PLEKHA2: variants seen among roughly 807,000 people sequenced by gnomAD.
PLEKHA2 encodes pleckstrin homology domain-containing family A member 2.
A neutral mutation model predicts 53.2 loss-of-function variants in PLEKHA2; 28 were observed. The ratio of observed to expected loss-of-function variants is 0.53; its 90% CI spans 0.39 to 0.72. The LOEUF is 0.72. PLEKHA2 is among the 30% of genes least tolerant of loss of function. PLEKHA2 has a pLI of 0.00. For missense variants in PLEKHA2, 426 were observed against 537.9 expected (o/e 0.79, Z 2.06); for synonymous variants, 193 against 196.4 (o/e 0.98, Z 0.14).
intron 9 of PLEKHA2, 94 bp downstream of exon 9, chr8:38,953,461 A>G: frequency 8.2e-7 from 1 of 1,219,512 alleles, no homozygotes; most frequent in Non-Finnish European, 1.2e-6. Flanking sequence ...TGCAAGAGTC[A>G]TCTTCTTCCA....
chr8:38,927,743 G>A (rs1220046131), intron 2 of PLEKHA2, among the ~76,000 whole-genome samples: 1 of 152,172 alleles, frequency 6.6e-6, no homozygotes, highest in East Asian at 1.9e-4. Flanking sequence ...ATCTCCACCT[G>A]TGACATTGTT....
chr8:38,901,548 C>A (rs923611012), intron 1 of PLEKHA2, 103 bp downstream of exon 1: 5 of 151,660 alleles, frequency 3.3e-5, no homozygotes, highest in African/African-American at 9.7e-5. Flanking sequence ...GGAGGCCTGG[C>A]GGCCTAGGGG....
rs755729221 is a variant in PLEKHA2, at chr8:38,969,824, T to C, written c.*41T>C. On this transcript the variant is annotated 3_prime_UTR_variant, in exon 12 of 12. Transcript: ENST00000617275. ...TGGGAGGGAGGGAGGGAGGGAGGACTTGAGAGAAGGAGGCTGTGACTCAGT... is the reference window on the plus strand; with the variant it reads ...TGGGAGGGAGGGAGGGAGGGAGGACCTGAGAGAAGGAGGCTGTGACTCAGT... 67 of 1,541,106 alleles carry C rather than the reference T, an allele frequency of 4.3e-5. No homozygotes were observed. The highest frequency in any genetic ancestry group is 4.8e-5 in the Non-Finnish European group (55 of 1,144,982).
At chr8:38,938,632 A>C (rs997053065) in intron 3 of PLEKHA2, among the ~76,000 whole-genome samples, 2 of 152,004 alleles carry the variant, frequency 1.3e-5, no homozygotes. Flanking sequence ...TGTCTGCGTC[A>C]CTCTACGGGG....
At chr8:38,926,630 T>TA (rs901571972) in intron 2 of PLEKHA2, among the ~76,000 whole-genome samples, 1 of 152,156 alleles carries the variant, frequency 6.6e-6, no homozygotes, top group African/African-American at 2.4e-5. Flanking sequence ...TTGTCTAAAT[T>TA]AAAAAAAATT....
chr8:38,933,093 C>T lies in PLEKHA2; in HGVS notation c.142-2901C>T, dbSNP rs927156930. Among the ~76,000 whole-genome samples the T allele has an allele frequency of 2.6e-5, 4 of 152,102 alleles. No homozygotes were observed. The East Asian group carries it at 5.8e-4, about 22-fold the overall frequency. On this transcript the variant is annotated intron_variant, in intron 2 of 11. Coordinates refer to ENST00000617275, the MANE Select transcript of PLEKHA2 (RefSeq NM_021623.2). ...TTGTTTTTCCATGTGGGTTAGTGTCCGAATGGTTCCCCAAATCCCACTTCA... is the reference window on the plus strand; with the variant it reads ...TTGTTTTTCCATGTGGGTTAGTGTCTGAATGGTTCCCCAAATCCCACTTCA...
At chr8:38,954,982 C>A (rs1384159144) in intron 9 of PLEKHA2, among the ~76,000 whole-genome samples, 1 of 152,136 alleles carries the variant, frequency 6.6e-6, no homozygotes, top group African/African-American at 2.4e-5. Context: ...TGCAGTGAGC[C>A]AAGATCGTGC....
chr8:38,943,348 C>T (rs926537599), intron 3 of PLEKHA2, among the ~76,000 whole-genome samples: 2 of 151,856 alleles, frequency 1.3e-5, no homozygotes, highest in African/African-American at 4.8e-5. Flanking sequence ...AAAAACTAGC[C>T]AGGCATAGGG....
chr8:38,954,737 A>G (rs1834906817), intron 9 of PLEKHA2, among the ~76,000 whole-genome samples: 1 of 152,142 alleles, frequency 6.6e-6, no homozygotes, highest in Non-Finnish European at 1.5e-5. Context: ...AAAAATATAT[A>G]TCTTTTTAGG....
chr8:38,970,093 GGGA>G lies in PLEKHA2; in HGVS notation c.*311_*313del, dbSNP rs1835219913. On this transcript the variant is annotated 3_prime_UTR_variant, in exon 12 of 12. Transcript: ENST00000617275. Reference sequence around the variant, plus strand: ...AACTATTCTGAGGTCTTCCTGGAGAGGGATTGTTTTAGCAGCTCCTCTCCAGAG... The same window carrying G: ...AACTATTCTGAGGTCTTCCTGGAGAGTTGTTTTAGCAGCTCCTCTCCAGAG... 2.1e-6 allele frequency: 1 copy of G among 470,686 alleles called. No individual in the cohort carries two copies. The highest frequency in any genetic ancestry group is 4.1e-5 in the Admixed American group (1 of 24,500). 29.2% of individuals were successfully genotyped at this position (470,686 alleles called of 1,614,324 possible). A position where few individuals can be genotyped will look rare whatever the true frequency, so the allele number is the denominator to read the frequency against.
chr8:38,934,197 A>G (rs145601918), intron 2 of PLEKHA2, among the ~76,000 whole-genome samples: 2,086 of 152,180 alleles, frequency 0.014, 29 homozygotes, highest in Non-Finnish European at 0.021. Context: ...ACGGCGTTTC[A>G]CTATGTTGGC....
At position 38,918,000 on chromosome 8, in the gene PLEKHA2, A is replaced by C; in HGVS notation, c.71A>C (p.Lys24Thr). ...ATCGAGGAGCATGAGAACAGCGGCA[A>C]GTTTCTGCGGAGGTACTTCATTCTG... ...LDIEEHENSG[K>T]FLRRYFILDT... is the part of the protein sequence containing the mutation. The change falls in exon 2 of 12, where the codon AAG becomes ACG. Residue 24 changes from lysine to threonine, a missense_variant. Transcript: ENST00000617275. 6.2e-7 allele frequency: 1 copy of C among 1,613,598 alleles called. No individual in the cohort carries two copies. The highest frequency in any genetic ancestry group is 8.5e-7 in the Non-Finnish European group (1 of 1,179,692).
At chr8:38,915,359 AT>A (rs1279457016) in intron 1 of PLEKHA2, among the ~76,000 whole-genome samples, 1 of 152,182 alleles carries the variant, frequency 6.6e-6, no homozygotes, top group Non-Finnish European at 1.5e-5. Context: ...GCAGAAGTTC[AT>A]TTTCTCACCG....
intron 4 of PLEKHA2, among the ~76,000 whole-genome samples, chr8:38,944,844 C>T (rs1489745933): frequency 6.6e-6 from 1 of 152,178 alleles, no homozygotes; most frequent in African/African-American, 2.4e-5. Flanking sequence ...AATAATTGTC[C>T]ATATGCATTT....
intron 1 of PLEKHA2, among the ~76,000 whole-genome samples, chr8:38,917,665 A>G (rs1834084670): frequency 6.6e-6 from 1 of 152,224 alleles, no homozygotes; most frequent in African/African-American, 2.4e-5. Context: ...CTATGGATGT[A>G]AAGTGCCCAA....
chr8:38,916,738 G>A (rs748654044), intron 1 of PLEKHA2, among the ~76,000 whole-genome samples: 1 of 152,208 alleles, frequency 6.6e-6, no homozygotes, highest in Non-Finnish European at 1.5e-5. Context: ...ACATAGGAGT[G>A]CAGATATACC....
At chr8:38,909,981 G>A (rs1055076583) in intron 1 of PLEKHA2, among the ~76,000 whole-genome samples, 1 of 146,566 alleles carries the variant, frequency 6.8e-6, no homozygotes, top group African/African-American at 2.5e-5. Context: ...TTTTGAGATG[G>A]AGTCTCACTC....
chr8:38,903,661 C>G (rs530543979), intron 1 of PLEKHA2, among the ~76,000 whole-genome samples: 1 of 152,198 alleles, frequency 6.6e-6, no homozygotes, highest in African/African-American at 2.4e-5. Context: ...TAGGAAGACC[C>G]AAGCAGCGTT....
chr8:38,939,092 C>T (rs1347145759), intron 3 of PLEKHA2, among the ~76,000 whole-genome samples: 7 of 151,770 alleles, frequency 4.6e-5, no homozygotes, highest in African/African-American at 1.2e-4. Context: ...TTAGTAGAGA[C>T]GGGGTTTCAC....
Sources: allele counts gnomAD v4.1 joint callset (sites outside exome capture counted in the v4.1 genomes callset), GRCh38; gene constraint gnomAD v4.1.1; transcripts MANE v1.5; gene names NCBI Gene and HGNC (gene_info 2026-07-23, HGNC 2026-07-21).